XNDC1N: variants seen among roughly 807,000 people sequenced by gnomAD.
The protein encoded by XNDC1N is XRCC1 N-terminal domain containing 1, N-terminal like.
At chr11:71,887,097 A>T in the XNDC1N span, among the ~76,000 whole-genome samples, 1 of 152,202 alleles carries the variant, frequency 6.6e-6, no homozygotes, top group South Asian at 2.1e-4. Flanking sequence ...GACAAGACTC[A>T]AGCGTCCCCA....
chr11:71,917,321 T>C, the XNDC1N span: 1 of 642,652 alleles, frequency 1.6e-6, no homozygotes, highest in Non-Finnish European at 2.8e-6. Context: ...GCCACAAAAA[T>C]ATATTAATCA....
At chr11:71,903,176 T>C in the XNDC1N span, 7 of 699,880 alleles carry the variant, frequency 1.0e-5, no homozygotes, top group South Asian at 1.0e-4. Context: ...CAAAAGAGGG[T>C]TGTATCCAAA....
the XNDC1N span, among the ~76,000 whole-genome samples, chr11:71,874,089 C>T: frequency 1.5e-4 from 23 of 152,146 alleles, no homozygotes; most frequent in Non-Finnish European, 2.1e-4. Context: ...CCAAGGCAGG[C>T]GGATCATCTG....
the XNDC1N span, among the ~76,000 whole-genome samples, chr11:71,882,110 G>T: frequency 6.6e-6 from 1 of 151,288 alleles, no homozygotes; most frequent in Admixed American, 6.6e-5. Context: ...GAAGCCAGGA[G>T]GGGAAAAAAT....
the XNDC1N span, among the ~76,000 whole-genome samples, chr11:71,896,708 C>T: frequency 6.6e-6 from 1 of 152,210 alleles, no homozygotes; most frequent in Non-Finnish European, 1.5e-5. Context: ...GGATTACAGG[C>T]ATGCGCCAGC....
chr11:71,884,274 C>G, the XNDC1N span: 1 of 1,068,200 alleles, frequency 9.4e-7, no homozygotes, highest in Non-Finnish European at 1.3e-6. Context: ...TTTTCTCTTG[C>G]ATTCTTTTGC....
chr11:71,887,603 C>T, the XNDC1N span, among the ~76,000 whole-genome samples: 1 of 141,626 alleles, frequency 7.1e-6, no homozygotes, highest in African/African-American at 2.6e-5. Context: ...GAGGCAAAAA[C>T]AGGGGCCGGT....
chr11:71,908,749 C>T, the XNDC1N span, among the ~76,000 whole-genome samples: 1 of 152,184 alleles, frequency 6.6e-6, no homozygotes, highest in Non-Finnish European at 1.5e-5. Context: ...GCACCAGTTG[C>T]TCATGTTGCT....
At chr11:71,885,852 C>T in the XNDC1N span, among the ~76,000 whole-genome samples, 2 of 151,692 alleles carry the variant, frequency 1.3e-5, no homozygotes, top group South Asian at 2.1e-4. Flanking sequence ...TTATTAATAT[C>T]AGGCATCATT....
chr11:71,924,648 C>A, the XNDC1N span, among the ~76,000 whole-genome samples: 1 of 151,914 alleles, frequency 6.6e-6, no homozygotes, highest in Admixed American at 6.6e-5. Flanking sequence ...ACTGCCACTG[C>A]ACTCTAGCCT....
the XNDC1N span, among the ~76,000 whole-genome samples, chr11:71,885,987 TTAA>T: frequency 2.1e-5 from 3 of 145,094 alleles, no homozygotes; most frequent in African/African-American, 7.3e-5. Context: ...TTAGTGTCAA[TTAA>T]TAATTGAGAT....
At chr11:71,874,412 G>T in the XNDC1N span, among the ~76,000 whole-genome samples, 2 of 152,138 alleles carry the variant, frequency 1.3e-5, no homozygotes, top group Admixed American at 6.5e-5. Flanking sequence ...AGAATCAAAG[G>T]TATGCTCAGA....
chr11:71,926,826 G>A, the XNDC1N span, among the ~76,000 whole-genome samples: 9 of 151,800 alleles, frequency 5.9e-5, no homozygotes, highest in Admixed American at 4.6e-4. Flanking sequence ...ACTTGAACCC[G>A]GGAGGCAAAG....
chr11:71,870,332 C>T, the XNDC1N span, among the ~76,000 whole-genome samples: 28 of 152,092 alleles, frequency 1.8e-4, no homozygotes, highest in African/African-American at 6.5e-4. Context: ...TTCTGGGAAA[C>T]TTCTGGGGGC....
the XNDC1N span, among the ~76,000 whole-genome samples, chr11:71,910,519 GCTGC>G: frequency 2.0e-5 from 3 of 152,162 alleles, no homozygotes; most frequent in South Asian, 6.2e-4. Context: ...AGAGACCTAG[GCTGC>G]GTGTTGCTCC....
At chr11:71,889,657 T>G in the XNDC1N span, among the ~76,000 whole-genome samples, 1 of 152,182 alleles carries the variant, frequency 6.6e-6, no homozygotes, top group Admixed American at 6.5e-5. Flanking sequence ...CATCTCGCCT[T>G]TGTCTGCCCT....
At chr11:71,911,664 T>C in the XNDC1N span, among the ~76,000 whole-genome samples, 1 of 152,120 alleles carries the variant, frequency 6.6e-6, no homozygotes, top group Non-Finnish European at 1.5e-5. Context: ...TTCAAGTGCA[T>C]GGAGCGTGAT....
At chr11:71,926,261 C>T in the XNDC1N span, among the ~76,000 whole-genome samples, 5 of 152,186 alleles carry the variant, frequency 3.3e-5, no homozygotes, top group Admixed American at 2.6e-4. Context: ...CAGTGAAACC[C>T]TGTCTCAAAA....
the XNDC1N span, among the ~76,000 whole-genome samples, chr11:71,872,065 G>C: frequency 6.6e-6 from 1 of 152,022 alleles, no homozygotes; most frequent in African/African-American, 2.4e-5. Flanking sequence ...TATCTATACG[G>C]AGAAATACTA....
Sources: allele counts gnomAD v4.1 joint callset (sites outside exome capture counted in the v4.1 genomes callset), GRCh38; gene constraint gnomAD v4.1.1; transcripts MANE v1.5; gene names NCBI Gene and HGNC (gene_info 2026-07-23, HGNC 2026-07-21).